The following KHDRBS2 variants were observed in gnomAD, a reference collection of about 807,000 sequenced individuals.
The protein encoded by KHDRBS2 is KH RNA binding domain containing, signal transduction associated 2.
In KHDRBS2, 26 loss-of-function variants were observed where a neutral mutation model predicts 44.3. That is an observed-to-expected ratio of 0.59 (90% confidence interval 0.43 to 0.81). The LOEUF (loss-of-function observed/expected upper bound fraction) is 0.81, where lower values mean the gene tolerates loss of function less well. Among genes scored for constraint, KHDRBS2 ranks in the 40% least tolerant of loss-of-function variants. The pLI is 0.00. For synonymous variants in KHDRBS2, 194 were observed against 151.1 expected (o/e 1.28, Z -2.08); for missense variants, 476 against 433.1 (o/e 1.10, Z -0.88).
chr6:61,715,151 T>C (rs1187740602), intron 7 of KHDRBS2, among the ~76,000 whole-genome samples: 1 of 151,956 alleles, frequency 6.6e-6, no homozygotes, highest in Non-Finnish European at 1.5e-5. Context: ...GAGGCTGTTT[T>C]TTTAACATGC....
At chr6:62,191,012 A>C (rs1417115323) in intron 1 of KHDRBS2, among the ~76,000 whole-genome samples, 1 of 152,098 alleles carries the variant, frequency 6.6e-6, no homozygotes, top group Non-Finnish European at 1.5e-5. Context: ...CTTGTCTTCC[A>C]CATCCAAGCT....
At chr6:61,651,641 A>G in the KHDRBS2 span, among the ~76,000 whole-genome samples, 6 of 152,240 alleles carry the variant, frequency 3.9e-5, no homozygotes, top group African/African-American at 1.4e-4. Context: ...CTTGTCCACA[A>G]TCTCACAGCT....
intron 1 of KHDRBS2, among the ~76,000 whole-genome samples, chr6:62,281,899 T>C (rs1481667448): frequency 1.3e-5 from 2 of 152,184 alleles, no homozygotes; most frequent in East Asian, 3.9e-4. Context: ...ATATCATAAA[T>C]TGTCTTAATT....
chr6:61,835,074 C>T (rs1422192660), intron 6 of KHDRBS2, among the ~76,000 whole-genome samples: 1 of 151,956 alleles, frequency 6.6e-6, no homozygotes, highest in Non-Finnish European at 1.5e-5. Flanking sequence ...ACAGATTTTA[C>T]TTTCATCAGG....
At chr6:62,111,352 A>T (rs1177657335) in intron 2 of KHDRBS2, among the ~76,000 whole-genome samples, 4 of 152,130 alleles carry the variant, frequency 2.6e-5, no homozygotes, top group Non-Finnish European at 4.4e-5. Flanking sequence ...AATGAACTGC[A>T]CAGAATTCAT....
At chr6:61,686,494 T>C (rs1022455008) in intron 8 of KHDRBS2, among the ~76,000 whole-genome samples, 2 of 151,774 alleles carry the variant, frequency 1.3e-5, no homozygotes, top group Non-Finnish European at 2.9e-5. Flanking sequence ...AGGTTAGATG[T>C]TTTGCTATTG....
intron 2 of KHDRBS2, among the ~76,000 whole-genome samples, chr6:62,167,667 C>G (rs1818990104): frequency 2.0e-5 from 3 of 152,080 alleles, no homozygotes; most frequent in South Asian, 2.1e-4. Context: ...CAAAGCCCAT[C>G]AAATCCTCTC....
intron 3 of KHDRBS2, among the ~76,000 whole-genome samples, chr6:62,034,109 G>A (rs1784826713): frequency 6.6e-6 from 1 of 151,624 alleles, no homozygotes. Flanking sequence ...TACCAACAAT[G>A]AACCAGGAAG....
chr6:61,573,031 C>T, the KHDRBS2 span, among the ~76,000 whole-genome samples: 7 of 152,192 alleles, frequency 4.6e-5, no homozygotes, highest in East Asian at 1.9e-4. Context: ...GTCAAACTGT[C>T]GCTGTTTGCT....
At chr6:61,545,501 C>CTGTGTGTGTGTGTG in the KHDRBS2 span, among the ~76,000 whole-genome samples, 32 of 148,440 alleles carry the variant, frequency 2.2e-4, no homozygotes, top group Middle Eastern at 6.9e-3. Context: ...TAGCTAATCT[C>CTGTGTGTGTGTGTG]TGTGTGTGTG....
At chr6:61,662,705 A>G in the KHDRBS2 span, among the ~76,000 whole-genome samples, 47 of 152,150 alleles carry the variant, frequency 3.1e-4, 1 homozygote, top group African/African-American at 1.1e-3. Context: ...ATGAGGTACC[A>G]TCTCACACCA....
At chr6:61,572,886 G>A in the KHDRBS2 span, among the ~76,000 whole-genome samples, 1 of 152,122 alleles carries the variant, frequency 6.6e-6, no homozygotes, top group South Asian at 2.1e-4. Context: ...AAACTTGAAA[G>A]CATTCCCCTT....
At chr6:61,902,366 G>A (rs1804214329) in intron 4 of KHDRBS2, among the ~76,000 whole-genome samples, 1 of 152,100 alleles carries the variant, frequency 6.6e-6, no homozygotes, top group South Asian at 2.1e-4. Flanking sequence ...TTCAGTCAAA[G>A]TCAAAGGGAC....
intron 7 of KHDRBS2, among the ~76,000 whole-genome samples, chr6:61,721,346 T>C (rs1353484401): frequency 6.6e-6 from 1 of 152,106 alleles, no homozygotes; most frequent in Non-Finnish European, 1.5e-5. Context: ...GGGGGTGGCA[T>C]TGAATCTGTA....
chr6:61,912,947 G>C (rs1333543909), intron 4 of KHDRBS2, among the ~76,000 whole-genome samples: 1 of 152,056 alleles, frequency 6.6e-6, no homozygotes, highest in Non-Finnish European at 1.5e-5. Flanking sequence ...TGCTCTCTTG[G>C]AATCACTCTC....
chr6:61,821,687 T>C (rs946727214), intron 6 of KHDRBS2, among the ~76,000 whole-genome samples: 27 of 152,008 alleles, frequency 1.8e-4, no homozygotes, highest in Admixed American at 1.5e-3. Flanking sequence ...CAATAAAGTT[T>C]TTTTTTCCAC....
intron 7 of KHDRBS2, among the ~76,000 whole-genome samples, chr6:61,707,724 G>T (rs747711145): frequency 6.6e-6 from 1 of 151,640 alleles, no homozygotes; most frequent in Non-Finnish European, 1.5e-5. Flanking sequence ...TAAGTAGATA[G>T]AAGTGAAGTT....
At chr6:62,079,218 C>T (rs1051426873) in intron 2 of KHDRBS2, among the ~76,000 whole-genome samples, 9 of 151,842 alleles carry the variant, frequency 5.9e-5, no homozygotes, top group African/African-American at 2.2e-4. Context: ...GCTGTTTTGT[C>T]TCTTATTTTA....
chr6:61,714,943 G>A (rs1253020018), intron 7 of KHDRBS2, among the ~76,000 whole-genome samples: 1 of 151,670 alleles, frequency 6.6e-6, no homozygotes, highest in East Asian at 2.0e-4. Context: ...TACTTAATAG[G>A]TCCAATGTAC....
Sources: gnomAD v4.1 joint callset for allele counts (sites outside exome capture counted in the v4.1 genomes callset) on GRCh38, gnomAD v4.1.1 for gene constraint, MANE v1.5 for transcripts, NCBI Gene and HGNC (gene_info 2026-07-23, HGNC 2026-07-21) for gene names.